The following MDFIC variants were observed in gnomAD, a reference collection of about 807,000 sequenced individuals.
MDFIC encodes the protein myoD family inhibitor domain-containing protein.
Under a neutral mutation model 23.2 loss-of-function variants are expected in MDFIC, and 17 were observed. That is an observed-to-expected ratio of 0.73 (90% CI 0.50 to 1.10). The LOEUF is 1.10. Among genes scored for constraint, MDFIC ranks in the 50% least tolerant of loss-of-function variants. MDFIC has a pLI of 0.00. For synonymous variants in MDFIC, 120 were observed against 115.2 expected (o/e 1.04, Z -0.27); for missense variants, 356 against 316.6 (o/e 1.12, Z -0.95).
chr7:114,982,895 G>T (rs949307418), intron 4 of MDFIC, among the ~76,000 whole-genome samples: 3 of 152,162 alleles, frequency 2.0e-5, no homozygotes, highest in African/African-American at 7.2e-5. Flanking sequence ...GTTCTCACAT[G>T]GCGGAAAGCA....
intron 4 of MDFIC, chr7:115,013,865 A>G (rs1008464653): frequency 2.3e-6 from 1 of 437,542 alleles, no homozygotes; most frequent in African/African-American, 2.1e-5. Context: ...TTATTCATGT[A>G]GGTGGATTTT....
intron 4 of MDFIC, 70 bp from the exon 5 acceptor site, chr7:115,015,618 C>A: frequency 6.5e-7 from 1 of 1,546,244 alleles, no homozygotes; most frequent in South Asian, 1.2e-5. Context: ...CTTATTGAGT[C>A]AATTGATAAC....
At chr7:114,959,721 C>T (rs1792948573) in intron 3 of MDFIC, among the ~76,000 whole-genome samples, 1 of 151,464 alleles carries the variant, frequency 6.6e-6, no homozygotes, top group South Asian at 2.1e-4. Context: ...TAAGTGGAGG[C>T]GTCAGTGACT....
At position 114,923,080 on chromosome 7, in the gene MDFIC, A is replaced by T. The variant is rs1346775568; in HGVS notation, c.47A>T (p.Gln16Leu). The T allele has an allele frequency of 3.5e-6, 5 of 1,423,810 alleles. No individual in the cohort carries two copies. The highest frequency in any genetic ancestry group is 2.8e-6 in the Non-Finnish European group (3 of 1,089,746). The allele number at this position is 1,423,810 out of a possible 1,614,324, so 88.2% of individuals were successfully genotyped here. A position where few individuals can be genotyped will look rare whatever the true frequency, so the allele number is the denominator to read the frequency against. ...EALAPGPVGP[Q>L]RVAEAGGGQL... ...CTCGCTCCCGGGCCCGTGGGGCCGCAGCGCGTGGCCGAGGCGGGCGGCGGC... is the reference window on the plus strand; with the variant it reads ...CTCGCTCCCGGGCCCGTGGGGCCGCTGCGCGTGGCCGAGGCGGGCGGCGGC... Residue 16 changes from glutamine to leucine, a missense_variant, in exon 2 of 5, where the codon CAG (glutamine) becomes CTG (leucine). Gln to Leu is a moderately radical substitution (Grantham distance 113, BLOSUM62 -2). Coordinates refer to ENST00000393486, the MANE Select transcript of MDFIC (RefSeq NM_001166345.3).
At chr7:114,926,236 T>G (rs1471059629) in intron 2 of MDFIC, among the ~76,000 whole-genome samples, 1 of 152,120 alleles carries the variant, frequency 6.6e-6, no homozygotes, top group East Asian at 1.9e-4. Flanking sequence ...ACTAGAGGGG[T>G]CTTTAGAAAT....
intron 3 of MDFIC, among the ~76,000 whole-genome samples, chr7:114,976,152 C>T (rs556263102): frequency 3.6e-4 from 55 of 152,100 alleles, no homozygotes; most frequent in African/African-American, 1.2e-3. Context: ...TGTCTTTTAC[C>T]ACTCTTATTT....
chr7:114,964,922 C>G (rs1308150869), intron 3 of MDFIC, among the ~76,000 whole-genome samples: 1 of 152,148 alleles, frequency 6.6e-6, no homozygotes, highest in African/African-American at 2.4e-5. Context: ...TGTATGTGGG[C>G]TTCCATGTGT....
intron 4 of MDFIC, among the ~76,000 whole-genome samples, chr7:115,001,818 T>C (rs1791471020): frequency 6.6e-6 from 1 of 152,142 alleles, no homozygotes; most frequent in Non-Finnish European, 1.5e-5. Context: ...AAAAAATATA[T>C]ATGTATGTGT....
At chr7:114,994,464 G>A (rs905351382) in intron 4 of MDFIC, among the ~76,000 whole-genome samples, 3 of 152,236 alleles carry the variant, frequency 2.0e-5, no homozygotes, top group South Asian at 4.2e-4. Context: ...TTACAATTTG[G>A]CATGTTTTTG....
At chr7:115,006,977 A>T (rs34475897) in intron 4 of MDFIC, among the ~76,000 whole-genome samples, 12,033 of 152,128 alleles carry the variant, frequency 0.079, 563 homozygotes, top group South Asian at 0.15. Flanking sequence ...TAATTGAAAT[A>T]TGGAAAAAAT....
In MDFIC at chr7:115,016,091, CA is replaced by C. The variant is rs1791789642; in HGVS notation, c.*159del. On this transcript the variant is annotated 3_prime_UTR_variant, in exon 5 of 5. Transcript: ENST00000393486. ...TCTCTGAAAGCCTTTTTACTTTAAC[CA>C]AATCTACATGGTTTAATATGTGAAA... is the stretch of plus-strand genomic sequence containing the variant. 2 of 705,496 alleles carry C rather than the reference CA, an allele frequency of 2.8e-6. No homozygotes were observed. The highest frequency in any genetic ancestry group is 1.8e-5 in the African/African-American group (1 of 55,718). The allele number at this position is 705,496 out of a possible 1,614,324, so 43.7% of individuals were successfully genotyped here.
chr7:114,993,172 G>T (rs576672810), intron 4 of MDFIC, among the ~76,000 whole-genome samples: 1 of 152,210 alleles, frequency 6.6e-6, no homozygotes, highest in Admixed American at 6.5e-5. Context: ...ATGGTAGTTT[G>T]TATTTCTGTG....
At chr7:114,997,725 G>A (rs1373484786) in intron 4 of MDFIC, among the ~76,000 whole-genome samples, 8 of 149,586 alleles carry the variant, frequency 5.3e-5, no homozygotes, top group African/African-American at 2.0e-4. Flanking sequence ...TCCAGGCTGG[G>A]CAACAGAGTG....
intron 3 of MDFIC, among the ~76,000 whole-genome samples, chr7:114,952,834 A>G (rs949365121): frequency 6.6e-6 from 1 of 152,176 alleles, no homozygotes; most frequent in African/African-American, 2.4e-5. Context: ...ATATTAATAT[A>G]TCATTTATGT....
At chr7:114,979,932 G>C (rs764456017) in intron 4 of MDFIC, 151 bp downstream of exon 4, 1 of 927,666 alleles carries the variant, frequency 1.1e-6, no homozygotes, top group Non-Finnish European at 1.7e-6. Flanking sequence ...TTTCCCAAAG[G>C]AAAGCACAAG....
intron 3 of MDFIC, among the ~76,000 whole-genome samples, chr7:114,950,966 G>A (rs1052427644): frequency 6.6e-6 from 1 of 152,040 alleles, no homozygotes; most frequent in South Asian, 2.1e-4. Flanking sequence ...TTGATTTCAG[G>A]AGTTTGAGAA....
rs11314179 is a variant in MDFIC, at chr7:114,986,032, G to GTT, written c.493+6265_493+6266dup. Among the ~76,000 whole-genome samples the GTT allele has an allele frequency of 1.1e-3, 158 of 138,380 alleles. 1 individual carries two copies. In the East Asian group the frequency reaches 0.014, roughly 12 times the overall value. The allele number at this position is 138,380 out of a possible 152,430, so 90.8% of individuals were successfully genotyped here. ...CATCTGCACCGTGATTACCTTTGCA[G>GTT]TTTTTTTTTTTTTTTGTACATTAAT... On this transcript the variant is annotated intron_variant, in intron 4 of 4. Coordinates refer to ENST00000393486, the MANE Select transcript of MDFIC (RefSeq NM_001166345.3).
intron 3 of MDFIC, among the ~76,000 whole-genome samples, chr7:114,954,895 T>A (rs1416185509): frequency 6.6e-6 from 1 of 152,160 alleles, no homozygotes; most frequent in Non-Finnish European, 1.5e-5. Context: ...TGAAACTCCC[T>A]CCCTATCCTA....
At chr7:114,939,996 T>C (rs763915037) in intron 2 of MDFIC, among the ~76,000 whole-genome samples, 5 of 152,158 alleles carry the variant, frequency 3.3e-5, no homozygotes, top group Non-Finnish European at 5.9e-5. Context: ...ATCTCTTTTA[T>C]TGATAATCTC....
Sources: allele counts gnomAD v4.1 joint callset (sites outside exome capture counted in the v4.1 genomes callset), GRCh38; gene constraint gnomAD v4.1.1; transcripts MANE v1.5; gene names NCBI Gene and HGNC (gene_info 2026-07-23, HGNC 2026-07-21).